Variants in LRMDA observed in about 807,000 individuals in gnomAD.
The protein encoded by LRMDA is leucine-rich melanocyte differentiation-associated protein.
LRMDA carries 18 observed loss-of-function variants against 29.8 expected under a neutral mutation model. The observed-to-expected ratio is 0.60, with a 90% confidence interval of 0.42 to 0.90. The LOEUF (loss-of-function observed/expected upper bound fraction) is 0.90. Among genes scored for constraint, LRMDA ranks in the 40% least tolerant of loss-of-function variants. LRMDA has a pLI of 0.00. For missense variants in LRMDA, 273 were observed against 273.9 expected, an observed-to-expected ratio of 1.00 and a Z score of 0.02; for synonymous variants, 125 against 109.4, an observed-to-expected ratio of 1.14 and a Z score of -0.89.
chr10:75,924,308 A>T (rs1316664572), intron 2 of LRMDA, among the ~76,000 whole-genome samples: 4 of 152,226 alleles, frequency 2.6e-5, no homozygotes, highest in Non-Finnish European at 5.9e-5. Context: ...GAAATTGGAA[A>T]CATAGCTGAG....
At chr10:75,661,580 G>A (rs1463921216) in intron 2 of LRMDA, among the ~76,000 whole-genome samples, 2 of 152,208 alleles carry the variant, frequency 1.3e-5, no homozygotes, top group Non-Finnish European at 2.9e-5. Context: ...TGTGATAAGA[G>A]AGTGTCACCT....
At chr10:76,468,711 T>C (rs1044251557) in intron 6 of LRMDA, among the ~76,000 whole-genome samples, 1 of 152,178 alleles carries the variant, frequency 6.6e-6, no homozygotes, top group Non-Finnish European at 1.5e-5. Flanking sequence ...TGGAAAAAAC[T>C]GTAGGGATTT....
At chr10:75,580,884 G>A (rs7897286) in intron 2 of LRMDA, among the ~76,000 whole-genome samples, 77,520 of 152,048 alleles carry the variant, frequency 0.51, 22,307 homozygotes, top group Non-Finnish European at 0.64. Flanking sequence ...AGCTGAAACT[G>A]GATCTCTTCC....
At chr10:75,805,576 C>T (rs1843836967) in intron 2 of LRMDA, among the ~76,000 whole-genome samples, 2 of 151,996 alleles carry the variant, frequency 1.3e-5, no homozygotes, top group African/African-American at 2.4e-5. Context: ...TTGGGCCATG[C>T]AAAGGAGTCA....
At chr10:76,153,392 T>G (rs1367364460) in intron 5 of LRMDA, among the ~76,000 whole-genome samples, 1 of 152,226 alleles carries the variant, frequency 6.6e-6, no homozygotes, top group Non-Finnish European at 1.5e-5. Flanking sequence ...AACTATTGAC[T>G]AATCCAAGGT....
intron 2 of LRMDA, among the ~76,000 whole-genome samples, chr10:75,626,082 G>T (rs766874534): frequency 1.3e-5 from 2 of 151,262 alleles, no homozygotes; most frequent in Non-Finnish European, 2.9e-5. Flanking sequence ...AGCTGTTCTC[G>T]AACTCCTGGC....
chr10:75,887,710 T>C (rs893522248), intron 2 of LRMDA, among the ~76,000 whole-genome samples: 2 of 152,198 alleles, frequency 1.3e-5, no homozygotes, highest in Non-Finnish European at 2.9e-5. Flanking sequence ...CAGAAAAAGC[T>C]TGGTGACCTC....
intron 2 of LRMDA, among the ~76,000 whole-genome samples, chr10:75,655,221 G>A (rs2132129885): frequency 6.6e-6 from 1 of 152,314 alleles, no homozygotes; most frequent in East Asian, 1.9e-4. Flanking sequence ...ATAACTAAAA[G>A]CACTTTGACA....
intron 5 of LRMDA, among the ~76,000 whole-genome samples, chr10:76,237,997 G>T (rs1277001237): frequency 6.6e-6 from 1 of 151,900 alleles, no homozygotes; most frequent in Non-Finnish European, 1.5e-5. Context: ...TGCCATATTG[G>T]CCAGGCTGGT....
chr10:75,673,686 G>T (rs949733799), intron 2 of LRMDA, among the ~76,000 whole-genome samples: 6 of 152,126 alleles, frequency 3.9e-5, no homozygotes, highest in South Asian at 2.1e-4. Context: ...TAACAAATTG[G>T]GTGTAGAATA....
chr10:75,476,093 C>T (rs1589154476), intron 2 of LRMDA, among the ~76,000 whole-genome samples: 1 of 152,318 alleles, frequency 6.6e-6, no homozygotes, highest in South Asian at 2.1e-4. Context: ...AATTGGAGGC[C>T]AAGCCTTTCA....
rs1007447046 is a variant in LRMDA at position 75,847,421 on chromosome 10, T to G, written c.132-188587T>G. Among the ~76,000 whole-genome samples, 14 of 151,630 alleles carry G rather than the reference T, an allele frequency of 9.2e-5. No individual in the cohort carries two copies. In the East Asian group the frequency reaches 1.6e-3, roughly 17 times the overall value. ...ACTATAAAACTCTTAGAAGGAAACA[T>G]AGGAAAGCTTCAATGCAGTGGATTA... On this transcript the variant is annotated intron_variant, in intron 2 of 6. Coordinates refer to ENST00000611255, the MANE Select transcript of LRMDA (RefSeq NM_001305581.2).
intron 6 of LRMDA, among the ~76,000 whole-genome samples, chr10:76,550,375 C>A (rs866169920): frequency 3.3e-5 from 5 of 152,108 alleles, no homozygotes; most frequent in African/African-American, 1.2e-4. Flanking sequence ...GGTAGGAATA[C>A]CCCTTGTGGT....
At chr10:75,745,321 A>C (rs1842876915) in intron 2 of LRMDA, among the ~76,000 whole-genome samples, 1 of 152,108 alleles carries the variant, frequency 6.6e-6, no homozygotes, top group African/African-American at 2.4e-5. Context: ...AATTCACATC[A>C]TATACATAAA....
intron 6 of LRMDA, among the ~76,000 whole-genome samples, chr10:76,538,462 A>G (rs1257573949): frequency 1.4e-5 from 2 of 144,752 alleles, no homozygotes; most frequent in African/African-American, 5.2e-5. Flanking sequence ...ATATATATGT[A>G]TATATATATG....
intron 5 of LRMDA, among the ~76,000 whole-genome samples, chr10:76,075,057 G>A (rs1848935536): frequency 6.6e-6 from 1 of 152,096 alleles, no homozygotes; most frequent in Non-Finnish European, 1.5e-5. Context: ...GTTTTTGGGT[G>A]GCACACATCA....
At chr10:76,472,977 A>C (rs1314791291) in intron 6 of LRMDA, among the ~76,000 whole-genome samples, 1 of 151,630 alleles carries the variant, frequency 6.6e-6, no homozygotes, top group Admixed American at 6.6e-5. Flanking sequence ...AATTCTTCAC[A>C]AAGTCTTCCC....
At chr10:75,833,372 G>C (rs1472154046) in intron 2 of LRMDA, among the ~76,000 whole-genome samples, 1 of 152,160 alleles carries the variant, frequency 6.6e-6, no homozygotes, top group Non-Finnish European at 1.5e-5. Context: ...GATGTATCTT[G>C]TTCATTGGTA....
At chr10:75,942,921 G>C (rs866035091) in intron 2 of LRMDA, among the ~76,000 whole-genome samples, 40 of 152,212 alleles carry the variant, frequency 2.6e-4, no homozygotes, top group Middle Eastern at 6.8e-3. Context: ...ATTTGTGTGG[G>C]ATATGAACTA....
Sources: allele counts gnomAD v4.1 joint callset (sites outside exome capture counted in the v4.1 genomes callset), GRCh38; gene constraint gnomAD v4.1.1; transcripts MANE v1.5; gene names NCBI Gene and HGNC (gene_info 2026-07-23, HGNC 2026-07-21).